TMEM19: variants seen among roughly 807,000 people sequenced by gnomAD.
The protein encoded by TMEM19 is transmembrane protein 19.
A neutral mutation model predicts 33.6 loss-of-function variants in TMEM19; 21 were observed. The ratio of observed to expected loss-of-function variants is 0.62; its 90% CI spans 0.44 to 0.90. The LOEUF is 0.90. Among genes scored for constraint, TMEM19 ranks in the 40% least tolerant of loss-of-function variants. The pLI, the probability that TMEM19 is intolerant of heterozygous loss-of-function variation, is 0.00. For missense variants in TMEM19, 402 were observed against 401.8 expected (o/e 1.00, Z 0.00); for synonymous variants, 149 against 147.5 (o/e 1.01, Z -0.07).
chr12:71,695,354 G>A (rs1881852295), intron 2 of TMEM19, among the ~76,000 whole-genome samples: 1 of 152,018 alleles, frequency 6.6e-6, no homozygotes, highest in African/African-American at 2.4e-5. Context: ...GGTTGTGTAG[G>A]GCTCTTCTAC....
chr12:71,694,790 T>C (rs887826834), intron 2 of TMEM19, among the ~76,000 whole-genome samples: 3 of 152,214 alleles, frequency 2.0e-5, no homozygotes, highest in Admixed American at 6.5e-5. Context: ...TTATAGAATA[T>C]GTATGAAGCA....
chr12:71,691,605 C>CA (rs57138830), intron 2 of TMEM19, among the ~76,000 whole-genome samples: 3,952 of 49,428 alleles, frequency 0.08, 369 homozygotes, highest in Non-Finnish European at 0.14. Context: ...TTCACCTCTA[C>CA]AAAAAAAAAA....
chr12:71,694,935 T>C (rs1282593359), intron 2 of TMEM19, among the ~76,000 whole-genome samples: 1 of 152,256 alleles, frequency 6.6e-6, no homozygotes, highest in Non-Finnish European at 1.5e-5. Context: ...CAGAAATTTG[T>C]AGACAGTGTC....
intron 4 of TMEM19, 92 bp from the exon 5 acceptor site, chr12:71,698,808 A>G (rs1444050254): frequency 1.7e-5 from 19 of 1,106,838 alleles, no homozygotes; most frequent in Non-Finnish European, 2.5e-5. Flanking sequence ...CTTTCTTTAA[A>G]TTAGTCTTGA....
In TMEM19 at chr12:71,696,635, TTTTTTGTTTTTG is replaced by T. The variant is rs1284780696; in HGVS notation, c.382+74_382+85del. On this transcript the variant is annotated intron_variant, in intron 3 of 5. Coordinates refer to ENST00000266673, the MANE Select transcript of TMEM19 (RefSeq NM_018279.4). ...TTCATTTAATCCTAACATAAGGTTT[TTTTTTGTTTTTG>T]TTTTTGTTTTTTTTTTTGAGACGGA... The T allele has an allele frequency of 2.1e-6, 3 of 1,440,756 alleles. No homozygotes were observed. The African/African-American group carries it at 4.4e-5, about 21-fold the overall frequency. The allele number at this position is 1,440,756 out of a possible 1,614,324, so 89.2% of individuals were successfully genotyped here. A position where few individuals can be genotyped will look rare whatever the true frequency, so the allele number is the denominator to read the frequency against.
At chr12:71,687,721 T>C (rs1203935426) in intron 1 of TMEM19, among the ~76,000 whole-genome samples, 1 of 152,204 alleles carries the variant, frequency 6.6e-6, no homozygotes, top group Non-Finnish European at 1.5e-5. Flanking sequence ...CTACATTGCT[T>C]AAATATAAGG....
At chr12:71,697,941 A>G (rs748192901) in intron 4 of TMEM19, among the ~76,000 whole-genome samples, 2 of 152,146 alleles carry the variant, frequency 1.3e-5, no homozygotes, top group East Asian at 1.9e-4. Flanking sequence ...CCAAAATCCA[A>G]AATGCTCCAA....
chr12:71,686,808 A>T lies in TMEM19; in HGVS notation c.128A>T (p.Tyr43Phe), dbSNP rs747877936. The T allele has an allele frequency of 6.2e-7, 1 of 1,605,794 alleles. No homozygotes were observed. The highest frequency in any genetic ancestry group is 1.1e-5 in the South Asian group (1 of 90,184). ...WIISMTASTY[Y>F]GNLRPISPWR... The stretch of plus-strand genomic sequence containing the variant: ...ATATCAATGACTGCAAGCACCTATT[A>T]TGGTAAGTCTGAGTGTTCTAAGTTG... The change falls in exon 1 of 6, where the codon TAT (tyrosine) becomes TTT (phenylalanine). Residue 43 changes from tyrosine (Y) to phenylalanine (F), a missense_variant and splice_region_variant. Physicochemically the swap from Tyr to Phe is conservative, Grantham distance 22. Coordinates refer to ENST00000266673, the MANE Select transcript of TMEM19 (RefSeq NM_018279.4).
rs1249734903 is a variant in TMEM19, at chr12:71,701,053, A to G, written c.*58A>G. ...GAGTCCAGCTAAATTTGCAATTCCAACTTTCATCCTAAGAATAATAACTGT... is the reference window on the plus strand; with the variant it reads ...GAGTCCAGCTAAATTTGCAATTCCAGCTTTCATCCTAAGAATAATAACTGT... On this transcript the variant is annotated 3_prime_UTR_variant, in exon 6 of 6. Transcript: ENST00000266673. 1.8e-5 allele frequency: 26 copies of G among 1,465,328 alleles called. No individual in the cohort carries two copies. The highest frequency in any genetic ancestry group is 2.1e-5 in the Non-Finnish European group (23 of 1,095,508). The allele number at this position is 1,465,328 out of a possible 1,614,324, so 90.8% of individuals were successfully genotyped here. A position where few individuals can be genotyped will look rare whatever the true frequency, so the allele number is the denominator to read the frequency against.
chr12:71,691,620 A>C (rs1392959911), intron 2 of TMEM19, among the ~76,000 whole-genome samples: 3 of 133,722 alleles, frequency 2.2e-5, no homozygotes, highest in Non-Finnish European at 4.5e-5. Context: ...AAAAAAAAAA[A>C]AAAAAAAAAA....
chr12:71,689,247 G>A (rs565346025), intron 1 of TMEM19, among the ~76,000 whole-genome samples: 5 of 152,192 alleles, frequency 3.3e-5, no homozygotes, highest in Admixed American at 1.3e-4. Flanking sequence ...ACACAAATAC[G>A]TTATAATTGC....
At chr12:71,694,763 G>A (rs1227199606) in intron 2 of TMEM19, among the ~76,000 whole-genome samples, 1 of 152,166 alleles carries the variant, frequency 6.6e-6, no homozygotes, top group East Asian at 1.9e-4. Flanking sequence ...TACATTTTGG[G>A]CTAGCCAAGT....
rs1882036381 is a variant in TMEM19 at position 71,704,347 on chromosome 12, GA to G, written c.*3353del. On this transcript the variant is annotated 3_prime_UTR_variant, in exon 6 of 6. Coordinates refer to ENST00000266673, the MANE Select transcript of TMEM19 (RefSeq NM_018279.4). Reference sequence around the variant, plus strand: ...CCCAATTAGATAAAGGACTAGTATAGAGAAAAAGCATGTGAAATGATGTTTT... The same window carrying G: ...CCCAATTAGATAAAGGACTAGTATAGGAAAAAGCATGTGAAATGATGTTTT... 1 of 155,664 alleles carries G rather than the reference GA, an allele frequency of 6.4e-6. No individual in the cohort carries two copies. The highest frequency in any genetic ancestry group is 6.4e-5 in the Admixed American group (1 of 15,688). The allele number at this position is 155,664 out of a possible 1,614,324, so 9.6% of individuals were successfully genotyped here. A position where few individuals can be genotyped will look rare whatever the true frequency, so the allele number is the denominator to read the frequency against.
At chr12:71,687,565 A>T (rs530126984) in intron 1 of TMEM19, among the ~76,000 whole-genome samples, 36 of 152,338 alleles carry the variant, frequency 2.4e-4, no homozygotes, top group African/African-American at 8.7e-4. Context: ...TCAAAAAAAA[A>T]AAAGTAGTAA....
In TMEM19 at chr12:71,686,677, T is replaced by C. The variant is rs1881694582; in HGVS notation, c.-4T>C. ...TCCCGCAGGAGCTCATATCCTTATT[T>C]TCCATGACAGATCTTAACGACAATA... On this transcript the variant is annotated 5_prime_UTR_variant, in exon 1 of 6. Coordinates refer to ENST00000266673, the MANE Select transcript of TMEM19 (RefSeq NM_018279.4). The C allele has an allele frequency of 6.2e-7, 1 of 1,610,812 alleles. No homozygotes were observed. The highest frequency in any genetic ancestry group is 1.1e-5 in the South Asian group (1 of 90,494).
intron 5 of TMEM19, chr12:71,699,391 A>C: frequency 1.8e-6 from 1 of 547,160 alleles, no homozygotes; most frequent in East Asian, 3.0e-5. Flanking sequence ...CTAATCCCAG[A>C]AAAGCAAGAC....
chr12:71,697,334 T>G lies in TMEM19; in HGVS notation c.437T>G (p.Leu146Arg). The change falls in exon 4 of 6, where the codon CTG (leucine) becomes CGG (arginine). Residue 146 changes from leucine to arginine, a missense_variant. Leu to Arg is a moderately radical substitution (Grantham distance 102, BLOSUM62 -2). Transcript: ENST00000266673. ...TGTAATGGAGCTGTACCCACAGAAC[T>G]GGCCCTGCTGTACATGATAGAAAAT... ...VFCNGAVPTE[L>R]ALLYMIENGP... The G allele has an allele frequency of 6.2e-7, 1 of 1,611,014 alleles. No individual in the cohort carries two copies. The highest frequency in any genetic ancestry group is 1.1e-5 in the South Asian group (1 of 90,294).
At chr12:71,698,452 A>T (rs1881914772) in intron 4 of TMEM19, among the ~76,000 whole-genome samples, 1 of 152,208 alleles carries the variant, frequency 6.6e-6, no homozygotes, top group East Asian at 1.9e-4. Flanking sequence ...AGAGTAGCAG[A>T]ATTGGGCCTG....
rs1160204779 is a variant in TMEM19, at chr12:71,702,130, C to T, written c.*1135C>T. ...GGAAGGATTTATGAATACACCACCACCAGAGTGGATAATGCTTAGAATTCT... is the reference window on the plus strand; with the variant it reads ...GGAAGGATTTATGAATACACCACCATCAGAGTGGATAATGCTTAGAATTCT... On this transcript the variant is annotated 3_prime_UTR_variant, in exon 6 of 6. Transcript: ENST00000266673. 6.6e-6 allele frequency: 1 copy of T among 152,184 alleles called. No individual in the cohort carries two copies. Among genetic ancestry groups the T allele is most frequent in the East Asian group, 1.9e-4 (1 of 5,202 alleles). 9.4% of individuals were successfully genotyped at this position (152,184 alleles called of 1,614,324 possible).
Sources: gnomAD v4.1 joint callset for allele counts (sites outside exome capture counted in the v4.1 genomes callset) on GRCh38, gnomAD v4.1.1 for gene constraint, MANE v1.5 for transcripts, NCBI Gene and HGNC (gene_info 2026-07-23, HGNC 2026-07-21) for gene names.